Variants in WNT5B observed in about 807,000 individuals in gnomAD.
WNT5B encodes the protein protein Wnt-5b.
In WNT5B, 18 loss-of-function variants were observed where a neutral mutation model predicts 36.5. That is an observed-to-expected ratio of 0.49 (90% confidence interval 0.34 to 0.73). The LOEUF (loss-of-function observed/expected upper bound fraction) is 0.73. WNT5B is among the 30% of genes least tolerant of loss of function. The pLI, the probability that WNT5B is intolerant of heterozygous loss-of-function variation, is 0.01. For missense variants in WNT5B, 424 were observed against 508.4 expected, an observed-to-expected ratio of 0.83 and a Z score of 1.60; for synonymous variants, 213 against 212.3, an observed-to-expected ratio of 1.00 and a Z score of -0.03.
At position 1,643,675 on chromosome 12, in the gene WNT5B, ATTTTTGAAAGC is replaced by A. The variant is rs1209983590; in HGVS notation, c.622-2113_622-2103del. 3.0e-4 allele frequency among the ~76,000 whole-genome samples: 26 copies of A among 86,818 alleles called. No homozygotes were observed. The Admixed American group carries it at 3.2e-3, about 11-fold the overall frequency. 57.0% of individuals were successfully genotyped at this position (86,818 alleles called of 152,430 possible). A position where few individuals can be genotyped will look rare whatever the true frequency, so the allele number is the denominator to read the frequency against. ...GCCACCATGCCCGGCGAACTAAAAC[ATTTTTGAAAGC>A]TTTTTTTTTTTTTTTTTTTGCTTTT... is the stretch of plus-strand genomic sequence containing the variant. On this transcript the variant is annotated intron_variant, in intron 4 of 4. Coordinates refer to ENST00000397196, the MANE Select transcript of WNT5B (RefSeq NM_032642.3).
upstream of WNT5B, among the ~76,000 whole-genome samples, chr12:1,627,783 G>T (rs1384678529): frequency 6.6e-6 from 1 of 152,118 alleles, no homozygotes; most frequent in Non-Finnish European, 1.5e-5. This position sits in a 1 kb window ranked among gnomAD's most constrained non-coding sequence, Gnocchi z 5.0. Context: ...GGTTTTGGGG[G>T]CACAGATATT....
chr12:1,625,975 C>G (rs1038632851), upstream of WNT5B, among the ~76,000 whole-genome samples: 1 of 141,986 alleles, frequency 7.0e-6, no homozygotes, highest in African/African-American at 2.8e-5. Flanking sequence ...TTTTTTTTCT[C>G]TCTCTTTTTT....
At chr12:1,629,530 G>A (rs972044188) in intron 1 of WNT5B, among the ~76,000 whole-genome samples, 159 bp downstream of exon 1, 1 of 151,986 alleles carries the variant, frequency 6.6e-6, no homozygotes, top group Non-Finnish European at 1.5e-5. Flanking sequence ...GGCTGGGCAG[G>A]AGGCTTCGGG....
intron 3 of WNT5B, among the ~76,000 whole-genome samples, chr12:1,637,749 CAA>C (rs35102133): frequency 5.9e-5 from 7 of 117,974 alleles, no homozygotes; most frequent in Admixed American, 8.8e-5. Flanking sequence ...GACTCTGTCT[CAA>C]AAAAAAAAAA....
intron 1 of WNT5B, chr12:1,629,898 C>T (rs2094547058): frequency 6.5e-6 from 1 of 154,450 alleles, no homozygotes; most frequent in South Asian, 2.0e-4. Flanking sequence ...TGGGGGCCGG[C>T]TCACTTCCGA....
intron 3 of WNT5B, among the ~76,000 whole-genome samples, chr12:1,637,509 G>A (rs1330809498): frequency 1.3e-5 from 2 of 151,296 alleles, no homozygotes; most frequent in African/African-American, 2.4e-5. Flanking sequence ...AGGCCCAGGC[G>A]GGCGGATCAC....
At position 1,639,948 on chromosome 12, in the gene WNT5B, A is replaced by G; in HGVS notation, c.593A>G (p.Asn198Ser). The change falls in exon 4 of 5, where the codon AAC (asparagine) becomes AGC (serine). Residue 198 changes from asparagine to serine, a missense_variant. Coordinates refer to ENST00000397196, the MANE Select transcript of WNT5B (RefSeq NM_032642.3). ...GSEEQGRVLM[N>S]LQNNEAGRRA... Reference sequence around the variant, plus strand: ...GAGGAGCAGGGCCGGGTGCTCATGAACCTGCAAAACAACGAGGCCGGTCGC... The same window carrying G: ...GAGGAGCAGGGCCGGGTGCTCATGAGCCTGCAAAACAACGAGGCCGGTCGC... 6.2e-7 allele frequency: 1 copy of G among 1,613,508 alleles called. No individual in the cohort carries two copies. The highest frequency in any genetic ancestry group is 8.5e-7 in the Non-Finnish European group (1 of 1,179,820).
At position 1,646,301 on chromosome 12, in the gene WNT5B, T is replaced by C. The variant is rs750713925; in HGVS notation, c.*49T>C. ...CCCTGCACTCTGCCTCACAAAGGTC[T>C]ATATTATATAAATCTATATAAATCT... On this transcript the variant is annotated 3_prime_UTR_variant, in exon 5 of 5. Coordinates refer to ENST00000397196, the MANE Select transcript of WNT5B (RefSeq NM_032642.3). 1.4e-6 allele frequency: 2 copies of C among 1,429,386 alleles called. No homozygotes were observed. Among genetic ancestry groups the C allele is most frequent in the South Asian group, 2.9e-5 (2 of 70,064 alleles). 88.5% of individuals were successfully genotyped at this position (1,429,386 alleles called of 1,614,324 possible).
intron 4 of WNT5B, among the ~76,000 whole-genome samples, chr12:1,643,327 G>C (rs995664922): frequency 6.6e-6 from 1 of 152,222 alleles, no homozygotes; most frequent in African/African-American, 2.4e-5. Context: ...AAGAGGAGCT[G>C]AGAGGCGCTT....
chr12:1,620,238 G>A (rs1182254848), intron 1 of WNT5B, among the ~76,000 whole-genome samples: 1 of 152,096 alleles, frequency 6.6e-6, no homozygotes. Context: ...ACCACTCCCT[G>A]ATGTCATCAT....
chr12:1,631,753 G>GT (rs900378582), intron 2 of WNT5B, among the ~76,000 whole-genome samples: 2 of 152,150 alleles, frequency 1.3e-5, no homozygotes, highest in African/African-American at 4.8e-5. Flanking sequence ...ATACTTGGTA[G>GT]TTTTTTGTTC....
chr12:1,627,241 C>T (rs2094542532), upstream of WNT5B, among the ~76,000 whole-genome samples: 1 of 152,222 alleles, frequency 6.6e-6, no homozygotes, highest in Non-Finnish European at 1.5e-5. The surrounding 1 kb of genome is among the most constrained non-coding windows in gnomAD (Gnocchi z 5.0). Context: ...GAAGAGGTCC[C>T]CACCTAGGCT....
intron 4 of WNT5B, among the ~76,000 whole-genome samples, chr12:1,640,231 T>C (rs2094572373): frequency 6.6e-6 from 1 of 152,238 alleles, no homozygotes; most frequent in African/African-American, 2.4e-5. Flanking sequence ...TCACGGTTCC[T>C]AGAGGACTTA....
upstream of WNT5B, among the ~76,000 whole-genome samples, chr12:1,626,267 AT>A (rs201099839): frequency 0.12 from 16,920 of 142,198 alleles, 972 homozygotes; most frequent in Middle Eastern, 0.27. Context: ...CCACAAGTGT[AT>A]TTTTTTTTTT....
intron 4 of WNT5B, among the ~76,000 whole-genome samples, chr12:1,643,686 C>CTTTTTTTTTTTT (rs368172169): frequency 3.1e-5 from 3 of 97,446 alleles, no homozygotes; most frequent in Non-Finnish European, 3.8e-5. Context: ...TTTTTGAAAG[C>CTTTTTTTTTTTT]TTTTTTTTTT....
rs144336314 is a variant in WNT5B, at chr12:1,631,637, C to T, written c.80+203C>T. On this transcript the variant is annotated intron_variant, in intron 2 of 4. Transcript: ENST00000397196. Reference sequence around the variant, plus strand: ...AAGGGTTCCCTGAGGATAAAGGTTCCGTTCATTTGATTTTTTTCTCTAATC... The same window carrying T: ...AAGGGTTCCCTGAGGATAAAGGTTCTGTTCATTTGATTTTTTTCTCTAATC... 3.3e-5 allele frequency among the ~76,000 whole-genome samples: 5 copies of T among 152,288 alleles called. No homozygotes were observed. In the East Asian group the frequency reaches 9.6e-4, roughly 29 times the overall value.
chr12:1,629,714 C>G (rs1796947094), intron 1 of WNT5B, among the ~76,000 whole-genome samples: 1 of 152,054 alleles, frequency 6.6e-6, no homozygotes, highest in Non-Finnish European at 1.5e-5. Flanking sequence ...ACCATTAGCT[C>G]CTGGTGCCAG....
At chr12:1,622,318 T>A (rs2094535129) in intron 1 of WNT5B, among the ~76,000 whole-genome samples, 1 of 152,116 alleles carries the variant, frequency 6.6e-6, no homozygotes, top group African/African-American at 2.4e-5. Flanking sequence ...TATAGTGTAC[T>A]TTTCTGGGCA....
At position 1,630,392 on chromosome 12, in the gene WNT5B, C is replaced by T. The variant is rs1233835353; in HGVS notation, c.-57-906C>T. ...GCCTGGGGACAGGGGCTCTCGGGGG[C>T]GGATAGAGGAACAGGCGTGGGTTAC... On this transcript the variant is annotated intron_variant, in intron 1 of 4. Transcript: ENST00000397196. The surrounding 1 kb of genome is among the most constrained non-coding windows in gnomAD (Gnocchi z 5.3). Among the ~76,000 whole-genome samples the T allele has an allele frequency of 1.3e-5, 2 of 151,946 alleles. No homozygotes were observed. Among genetic ancestry groups the T allele is most frequent in the African/African-American group, 4.8e-5 (2 of 41,382 alleles).
Sources: gnomAD v4.1 joint callset for allele counts (sites outside exome capture counted in the v4.1 genomes callset) on GRCh38, gnomAD v4.1.1 for gene constraint, Gnocchi (gnomAD v3.1) non-coding constraint, MANE v1.5 for transcripts, NCBI Gene and HGNC (gene_info 2026-07-23, HGNC 2026-07-21) for gene names.